Variants in DHX29 observed in about 807,000 individuals in gnomAD.
DHX29 encodes DExH-box helicase 29, also known as ATP-dependent RNA helicase DHX29.
Under a neutral mutation model 167.9 loss-of-function variants are expected in DHX29, and 79 were observed. The observed-to-expected ratio is 0.47, with a 90% confidence interval of 0.39 to 0.57. DHX29 has a LOEUF of 0.57. DHX29 is among the 20% of genes least tolerant of loss of function. DHX29 has a pLI of 0.00. For synonymous variants in DHX29, 530 were observed against 546.0 expected (o/e 0.97, Z 0.41); for missense variants, 1,347 against 1,593.4 (o/e 0.85, Z 2.63).
intron 1 of DHX29, among the ~76,000 whole-genome samples, chr5:55,302,236 A>G (rs1227111150): frequency 1.3e-5 from 2 of 152,176 alleles, no homozygotes; most frequent in Non-Finnish European, 2.9e-5. Context: ...TATCAATTAT[A>G]GTAAGCTTGT....
intron 1 of DHX29, among the ~76,000 whole-genome samples, chr5:55,299,385 G>C (rs532733477): frequency 1.3e-5 from 2 of 152,302 alleles, no homozygotes; most frequent in East Asian, 3.9e-4. Flanking sequence ...AGTGAAAAGG[G>C]AGGTGGGAGT....
At chr5:55,270,779 T>G (rs1165240969) in intron 18 of DHX29, 73 bp from the exon 19 acceptor site, 8 of 1,182,474 alleles carry the variant, frequency 6.8e-6, no homozygotes, top group Non-Finnish European at 1.0e-5. Context: ...TGGATTTGAC[T>G]CTTACAACTA....
In DHX29 at chr5:55,267,235, G is replaced by C. The variant is rs779094357; in HGVS notation, c.3432-4C>G. ...TTCTTGTCGTGCTTTCTTCCATCTA[G>C]ATAAATAAAATGTCAATTAATGAAT... On this transcript the variant is annotated splice_polypyrimidine_tract_variant and splice_region_variant and intron_variant, in intron 22 of 26. Coordinates refer to ENST00000251636, the MANE Select transcript of DHX29 (RefSeq NM_019030.4). 2.5e-6 allele frequency: 4 copies of C among 1,605,844 alleles called. No homozygotes were observed. In the East Asian group the frequency reaches 6.7e-5, roughly 27 times the overall value.
In DHX29 at chr5:55,283,686, T is replaced by G; in HGVS notation, c.1482A>C (p.Lys494Asn). 1 of 1,614,146 alleles carries G rather than the reference T, an allele frequency of 6.2e-7. No homozygotes were observed. The highest frequency in any genetic ancestry group is 8.5e-7 in the Non-Finnish European group (1 of 1,180,004). ...GCTGCTGTTTCAGTTTATTCAGAAGTTTGGCAATAAAAAGATCACGTGGTT... is the reference window on the plus strand; with the variant it reads ...GCTGCTGTTTCAGTTTATTCAGAAGGTTGGCAATAAAAAGATCACGTGGTT... ...TNKPRDLFIAKLLNKLKQQQQ... is the reference protein window; with the variant it reads ...TNKPRDLFIANLLNKLKQQQQ... The change falls in exon 11 of 27, where the codon AAA becomes AAC. Residue 494 changes from lysine (K) to asparagine (N), a missense_variant. Lys to Asn is a moderately conservative substitution (Grantham distance 94). Around this residue, in one of 3 missense-constraint regions of DHX29, gnomAD observed 882 missense variants for 1,082.4 expected, o/e 0.81. Coordinates refer to ENST00000251636, the MANE Select transcript of DHX29 (RefSeq NM_019030.4).
At chr5:55,272,460 C>T (rs1401882774) in intron 17 of DHX29, among the ~76,000 whole-genome samples, 3 of 152,044 alleles carry the variant, frequency 2.0e-5, no homozygotes, top group Non-Finnish European at 4.4e-5. Flanking sequence ...GGGCTGGGTG[C>T]GGTGGCTCAC....
chr5:55,277,390 G>T (rs1162594977), intron 12 of DHX29, 108 bp from the exon 13 acceptor site: 3 of 650,274 alleles, frequency 4.6e-6, no homozygotes, highest in East Asian at 5.6e-5. Flanking sequence ...CAATATCTAA[G>T]TACAGTCAGT....
At chr5:55,271,405 C>T (rs542807402) in intron 18 of DHX29, among the ~76,000 whole-genome samples, 17 of 152,128 alleles carry the variant, frequency 1.1e-4, no homozygotes, top group Non-Finnish European at 2.1e-4. Flanking sequence ...CCGAGGCAGG[C>T]AGATTGCCTG....
chr5:55,259,306 G>A (rs879917402), intron 26 of DHX29, among the ~76,000 whole-genome samples: 4 of 152,028 alleles, frequency 2.6e-5, no homozygotes, highest in Non-Finnish European at 4.4e-5. Context: ...AACCTTAAGA[G>A]GATAATTAGG....
intron 1 of DHX29, among the ~76,000 whole-genome samples, chr5:55,301,108 C>A (rs1167233069): frequency 6.6e-6 from 1 of 152,136 alleles, no homozygotes; most frequent in Non-Finnish European, 1.5e-5. Context: ...CTCATTTAAC[C>A]TTATGTACTT....
At position 55,273,330 on chromosome 5, in the gene DHX29, G is replaced by A. The variant is rs1300298392; in HGVS notation, c.2738C>T (p.Ala913Val). The A allele has an allele frequency of 6.3e-7, 1 of 1,597,110 alleles. No homozygotes were observed. The highest frequency in any genetic ancestry group is 1.1e-5 in the South Asian group (1 of 88,050). Residue 913 changes from alanine (A) to valine (V), a missense_variant, in exon 17 of 27, where the codon GCT becomes GTT. Around this residue, in one of 3 missense-constraint regions of DHX29, gnomAD observed 882 missense variants for 1,082.4 expected, o/e 0.81. Transcript: ENST00000251636. Reference protein sequence around the residue: ...LHSILSTQDQAAAFTLPPPGV... With the variant: ...LHSILSTQDQVAAFTLPPPGV... The stretch of plus-strand genomic sequence containing the variant: ...TGGAGGGGGAAGTGTGAATGCTGCA[G>A]CTTGATCTTGGGTTGAAAGAATAGA...
At chr5:55,283,046 CATCT>C in intron 11 of DHX29, 153 bp downstream of exon 11, 1 of 687,524 alleles carries the variant, frequency 1.5e-6, no homozygotes, top group Non-Finnish European at 2.3e-6. Context: ...CATACTATCA[CATCT>C]ATCAAAGAAA....
intron 6 of DHX29, among the ~76,000 whole-genome samples, chr5:55,290,578 C>T (rs1747991740): frequency 6.6e-6 from 1 of 152,190 alleles, no homozygotes; most frequent in South Asian, 2.1e-4. Flanking sequence ...ATATATGACA[C>T]ATCTCTACAG....
At chr5:55,282,382 TCA>T (rs565189561) in intron 11 of DHX29, among the ~76,000 whole-genome samples, 49 of 152,300 alleles carry the variant, frequency 3.2e-4, no homozygotes, top group Admixed American at 9.8e-4. Context: ...TCTTACTCCT[TCA>T]GTCATTCCGT....
intron 12 of DHX29, chr5:55,279,744 T>G (rs1747305421): frequency 6.4e-6 from 1 of 155,430 alleles, no homozygotes; most frequent in South Asian, 2.0e-4. Flanking sequence ...TTTTGTTTTT[T>G]TTTTTTGGAG....
intron 23 of DHX29, among the ~76,000 whole-genome samples, chr5:55,264,570 G>T (rs573650181): frequency 3.9e-5 from 6 of 152,150 alleles, no homozygotes; most frequent in Non-Finnish European, 7.3e-5. Context: ...GAAAAGCAAG[G>T]AAGCCATCAA....
At position 55,294,150 on chromosome 5, in the gene DHX29, AAAGAG is replaced by A. The variant is rs754881760; in HGVS notation, c.652-10_652-6del. On this transcript the variant is annotated splice_region_variant and splice_polypyrimidine_tract_variant and intron_variant, in intron 5 of 26. Coordinates refer to ENST00000251636, the MANE Select transcript of DHX29 (RefSeq NM_019030.4). Reference sequence around the variant, plus strand: ...ATTTTTTTCTTCCTTTTTTGGCTAGAAAGAGAAAACAAATATCTGAAAAACCAAAG... The same window carrying A: ...ATTTTTTTCTTCCTTTTTTGGCTAGAAAAACAAATATCTGAAAAACCAAAG... The A allele has an allele frequency of 1.3e-6, 2 of 1,579,130 alleles. No homozygotes were observed. The highest frequency in any genetic ancestry group is 1.7e-6 in the Non-Finnish European group (2 of 1,168,340).
Position 55,290,322 on chromosome 5 carries a change from G to A in DHX29, c.803C>T (p.Ala268Val). The A allele has an allele frequency of 6.2e-7, 1 of 1,609,646 alleles. No individual in the cohort carries two copies. Among genetic ancestry groups the A allele is most frequent in the Non-Finnish European group, 8.5e-7 (1 of 1,179,088 alleles). ...FDPNERYLHL[A>V]AKLLDAKEQA... is the part of the protein sequence containing the mutation. The stretch of plus-strand genomic sequence containing the variant: ...TTCTTTTGCATCCAGCAGTTTTGCT[G>A]CAAGATGTAAGTACCTTTCATTCTG... Residue 268 changes from alanine to valine, a missense_variant, in exon 7 of 27, where the codon GCA becomes GTA. By Grantham distance (64) the Ala-to-Val change is moderately conservative (BLOSUM62 0). Transcript: ENST00000251636.
At chr5:55,286,162 G>A (rs1485459045) in intron 8 of DHX29, among the ~76,000 whole-genome samples, 1 of 151,778 alleles carries the variant, frequency 6.6e-6, no homozygotes, top group African/African-American at 2.4e-5. Flanking sequence ...GCTGAGGCAG[G>A]AGAATGACGT....
At chr5:55,268,585 C>T (rs565383084) in intron 21 of DHX29, among the ~76,000 whole-genome samples, 6 of 152,034 alleles carry the variant, frequency 3.9e-5, no homozygotes, top group South Asian at 2.1e-4. Flanking sequence ...CCACCATGCC[C>T]GGCCAATTTT....
Sources: gnomAD v4.1 joint callset for allele counts (sites outside exome capture counted in the v4.1 genomes callset) on GRCh38, gnomAD v4.1.1 for gene constraint, gnomAD v4.1.1 regional missense constraint, MANE v1.5 for transcripts, NCBI Gene and HGNC (gene_info 2026-07-23, HGNC 2026-07-21) for gene names.